Variants in RBFOX1 observed in about 807,000 individuals in gnomAD.
RBFOX1 encodes RNA binding fox-1 homolog 1, also known as RNA binding protein fox-1 homolog 1.
Under a neutral mutation model 57.7 loss-of-function variants are expected in RBFOX1, and 8 were observed. The observed-to-expected ratio is 0.14, with a 90% CI of 0.08 to 0.25. RBFOX1 has a LOEUF of 0.25. Ranked by LOEUF, RBFOX1 falls within the 10% of genes least tolerant of loss-of-function variation. The probability of loss-of-function intolerance (pLI) is 1.00; values close to 1 mark genes in which losing one functional copy is unlikely to be tolerated. For synonymous variants in RBFOX1, 326 were observed against 222.4 expected, an observed-to-expected ratio of 1.47 and a Z score of -4.15; for missense variants, 611 against 548.5, an observed-to-expected ratio of 1.11 and a Z score of -1.14.
At chr16:6,858,251 G>A (rs2058271436) in intron 3 of RBFOX1, among the ~76,000 whole-genome samples, 1 of 152,176 alleles carries the variant, frequency 6.6e-6, no homozygotes, top group African/African-American at 2.4e-5. Flanking sequence ...CTCAAATGAT[G>A]AACTACACTT....
intron 1 of RBFOX1, among the ~76,000 whole-genome samples, chr16:5,431,250 C>A (rs186226211): frequency 9.2e-5 from 14 of 152,326 alleles, no homozygotes; most frequent in Admixed American, 7.2e-4. Context: ...TTCTGAATGG[C>A]ACAAACTGCA....
chr16:6,601,531 A>T (rs533074287), intron 2 of RBFOX1, among the ~76,000 whole-genome samples: 1 of 152,124 alleles, frequency 6.6e-6, no homozygotes, highest in Non-Finnish European at 1.5e-5. Context: ...CATTCTACTC[A>T]TAGTTTTGCA....
At chr16:7,597,101 T>C (rs1003724022) in intron 8 of RBFOX1, 6 of 275,634 alleles carry the variant, frequency 2.2e-5, no homozygotes, top group Non-Finnish European at 1.3e-5. Context: ...TGCAGAATCT[T>C]TTAATTTGCT....
intron 6 of RBFOX1, among the ~76,000 whole-genome samples, chr16:7,580,952 A>G (rs931475430): frequency 6.6e-6 from 1 of 152,226 alleles, no homozygotes; most frequent in Admixed American, 6.5e-5. Context: ...CAAATATCAC[A>G]AAAGGAACAA....
intron 4 of RBFOX1, among the ~76,000 whole-genome samples, chr16:7,483,462 T>A (rs1218415065): frequency 6.6e-6 from 1 of 152,196 alleles, no homozygotes; most frequent in Non-Finnish European, 1.5e-5. Flanking sequence ...ATAAGCACTT[T>A]GTGGTGTCTT....
chr16:6,648,737 A>C (rs1489779744), intron 2 of RBFOX1, among the ~76,000 whole-genome samples: 1 of 152,178 alleles, frequency 6.6e-6, no homozygotes, highest in Admixed American at 6.5e-5. Context: ...GAACAGGCAG[A>C]AGCAGACAGA....
chr16:5,813,445 G>A (rs530085754), intron 3 of RBFOX1, among the ~76,000 whole-genome samples: 62 of 152,206 alleles, frequency 4.1e-4, no homozygotes, highest in African/African-American at 1.3e-3. Flanking sequence ...GTTTTATGTG[G>A]TCTATCTATA....
chr16:5,856,263 A>ATATATG lies in RBFOX1; in HGVS notation c.319-11035_319-11034insGTATAT, dbSNP rs2057050601. 3.4e-4 allele frequency among the ~76,000 whole-genome samples: 7 copies of ATATATG among 20,606 alleles called. 1 individual carries two copies. Among genetic ancestry groups the ATATATG allele is most frequent in the East Asian group, 3.0e-3 (2 of 674 alleles). The allele number at this position is 20,606 out of a possible 152,430, so 13.5% of individuals were successfully genotyped here. A position where few individuals can be genotyped will look rare whatever the true frequency, so the allele number is the denominator to read the frequency against. On this transcript the variant is annotated intron_variant, in intron 3 of 19. Coordinates refer to the RBFOX1 transcript ENST00000641259. ...TGTGTATATATATGTATATATATGT[A>ATATATG]TATATATATACACATATATATACAC...
intron 1 of RBFOX1, among the ~76,000 whole-genome samples, chr16:6,120,076 G>C (rs2096537415): frequency 6.6e-6 from 1 of 152,162 alleles, no homozygotes; most frequent in Non-Finnish European, 1.5e-5. Context: ...ATTTAGTATA[G>C]AGTTTTTTTG....
At chr16:6,830,877 C>G (rs1046537034) in intron 3 of RBFOX1, among the ~76,000 whole-genome samples, 2 of 152,142 alleles carry the variant, frequency 1.3e-5, no homozygotes, top group African/African-American at 4.8e-5. Context: ...GTAACTCTCC[C>G]ACCTCCTGGT....
chr16:5,304,138 T>A (rs188465777), intron 1 of RBFOX1, among the ~76,000 whole-genome samples: 179 of 152,372 alleles, frequency 1.2e-3, no homozygotes, highest in Non-Finnish European at 1.9e-3. Flanking sequence ...TATTCATATA[T>A]CAGCCCTTAG....
intron 4 of RBFOX1, among the ~76,000 whole-genome samples, chr16:5,903,355 G>A (rs1203538433): frequency 6.6e-6 from 1 of 152,124 alleles, no homozygotes; most frequent in Non-Finnish European, 1.5e-5. Flanking sequence ...AGTCATGCGT[G>A]ACTATGCCTA....
At chr16:5,357,727 G>A (rs553551476) in intron 1 of RBFOX1, among the ~76,000 whole-genome samples, 2 of 152,190 alleles carry the variant, frequency 1.3e-5, no homozygotes, top group Admixed American at 6.5e-5. Context: ...AATCCGTCAG[G>A]AGAGGACACA....
chr16:6,969,818 C>T (rs1348647884), intron 3 of RBFOX1, among the ~76,000 whole-genome samples: 3 of 152,050 alleles, frequency 2.0e-5, no homozygotes, highest in Non-Finnish European at 4.4e-5. Context: ...TTGCCTCATC[C>T]TCGTTCTGGC....
intron 1 of RBFOX1, among the ~76,000 whole-genome samples, chr16:6,285,077 G>T (rs1399232691): frequency 6.6e-6 from 1 of 152,058 alleles, no homozygotes; most frequent in East Asian, 1.9e-4. Flanking sequence ...TTTCTTCGTT[G>T]TTGTTTCTTT....
At chr16:7,307,884 C>A (rs2096228268) in intron 4 of RBFOX1, among the ~76,000 whole-genome samples, 1 of 152,216 alleles carries the variant, frequency 6.6e-6, no homozygotes, top group Non-Finnish European at 1.5e-5. Context: ...AATCTCCTTT[C>A]CTGAGTGGCT....
At chr16:6,899,209 ATG>A (rs922213328) in intron 3 of RBFOX1, among the ~76,000 whole-genome samples, 3 of 147,802 alleles carry the variant, frequency 2.0e-5, no homozygotes, top group Admixed American at 6.6e-5. Flanking sequence ...ATGTGTGTAT[ATG>A]TGTGTGTATG....
intron 1 of RBFOX1, among the ~76,000 whole-genome samples, chr16:5,409,715 A>G (rs1384199561): frequency 6.6e-6 from 1 of 151,878 alleles, no homozygotes; most frequent in African/African-American, 2.4e-5. Context: ...AGAGTGAGAG[A>G]TGGTGTGTCT....
intron 1 of RBFOX1, among the ~76,000 whole-genome samples, chr16:5,384,465 A>C (rs1160562693): frequency 6.6e-6 from 1 of 152,168 alleles, no homozygotes; most frequent in East Asian, 1.9e-4. Context: ...AGAAGCAGCA[A>C]GTTTTAAGTT....
Sources: allele counts gnomAD v4.1 joint callset (sites outside exome capture counted in the v4.1 genomes callset), GRCh38; gene constraint gnomAD v4.1.1; transcripts MANE v1.5; gene names NCBI Gene and HGNC (gene_info 2026-07-23, HGNC 2026-07-21).